The following MCF2L2 variants were observed in gnomAD, a reference collection of about 807,000 sequenced individuals.
MCF2L2 encodes probable guanine nucleotide exchange factor MCF2L2.
In MCF2L2, 102 loss-of-function variants were observed where a neutral mutation model predicts 150.2. The ratio of observed to expected loss-of-function variants is 0.68; its 90% confidence interval spans 0.58 to 0.80. The LOEUF is 0.80. MCF2L2 is among the 30% of genes least tolerant of loss of function. MCF2L2 has a pLI of 0.00. For missense variants in MCF2L2, 1,256 were observed against 1,372.8 expected (o/e 0.91, Z 1.34); for synonymous variants, 465 against 491.3 (o/e 0.95, Z 0.71).
chr3:183,402,185 T>C (rs1046168181), intron 1 of MCF2L2, among the ~76,000 whole-genome samples: 19 of 152,022 alleles, frequency 1.2e-4, no homozygotes, highest in African/African-American at 2.4e-5. Context: ...GGCTCATGCC[T>C]GTAGTCCCAG....
chr3:183,202,162 C>T (rs374607308), intron 25 of MCF2L2, among the ~76,000 whole-genome samples: 3 of 152,224 alleles, frequency 2.0e-5, no homozygotes, highest in South Asian at 2.1e-4. Context: ...GATCTGTCCA[C>T]GGGTTTCTAG....
chr3:183,270,630 A>AT lies in MCF2L2; in HGVS notation c.1862+6241_1862+6242insA. The stretch of plus-strand genomic sequence containing the variant: ...TGAGGCATCACAGACACTAAATTCA[A>AT]GTCTTTACATAGACGATGTGTTCAT... On this transcript the variant is annotated intron_variant, in intron 15 of 29. Transcript: ENST00000328913. This position sits in a 1 kb window ranked among gnomAD's most constrained non-coding sequence, Gnocchi z 4.5. 6.2e-7 allele frequency: 1 copy of AT among 1,614,192 alleles called. No homozygotes were observed. Among genetic ancestry groups the AT allele is most frequent in the African/African-American group, 1.3e-5 (1 of 75,034 alleles).
rs1436649096 is a variant in MCF2L2 at position 183,178,689 on chromosome 3, C to T, written c.*691G>A. On this transcript the variant is annotated 3_prime_UTR_variant, in exon 30 of 30. Coordinates refer to ENST00000328913, the MANE Select transcript of MCF2L2 (RefSeq NM_015078.4). Reference sequence around the variant, plus strand: ...TAATAAAACTAAAAATAAAATACAACTGAAACTAACAAAACTCATTTAAAA... The same window carrying T: ...TAATAAAACTAAAAATAAAATACAATTGAAACTAACAAAACTCATTTAAAA... The T allele has an allele frequency of 6.6e-6, 1 of 152,166 alleles. No individual in the cohort carries two copies. Among genetic ancestry groups the T allele is most frequent in the Non-Finnish European group, 1.5e-5 (1 of 68,024 alleles). 9.4% of individuals were successfully genotyped at this position (152,166 alleles called of 1,614,324 possible).
chr3:183,227,881 G>A lies in MCF2L2; in HGVS notation c.2115+416C>T, dbSNP rs192598295. On this transcript the variant is annotated intron_variant, in intron 18 of 29. Transcript: ENST00000328913. This position sits in a 1 kb window ranked among gnomAD's most constrained non-coding sequence, Gnocchi z 4.0. ...TTCCATGATAGTCGCCATGCTGTGCGTTACATCTCCAGGACTTACTCATCT... is the reference window on the plus strand; with the variant it reads ...TTCCATGATAGTCGCCATGCTGTGCATTACATCTCCAGGACTTACTCATCT... The A allele has an allele frequency of 2.4e-3, 389 of 162,936 alleles. 4 individuals are homozygous for A. Among genetic ancestry groups the A allele is most frequent in the Middle Eastern group, 0.015 (5 of 334 alleles). 10.1% of individuals were successfully genotyped at this position (162,936 alleles called of 1,614,324 possible). A position where few individuals can be genotyped will look rare whatever the true frequency, so the allele number is the denominator to read the frequency against.
chr3:183,328,289 G>A (rs1390860396), intron 5 of MCF2L2, among the ~76,000 whole-genome samples: 1 of 152,140 alleles, frequency 6.6e-6, no homozygotes, highest in Non-Finnish European at 1.5e-5. Flanking sequence ...TTAGTTCTGT[G>A]AGTCATTCTA....
At chr3:183,193,966 A>G (rs1185534153) in intron 26 of MCF2L2, among the ~76,000 whole-genome samples, 1 of 152,214 alleles carries the variant, frequency 6.6e-6, no homozygotes, top group African/African-American at 2.4e-5. Context: ...GCCCTGGTAG[A>G]TGAGGCCTGA....
intron 20 of MCF2L2, among the ~76,000 whole-genome samples, chr3:183,221,436 C>T (rs904914293): frequency 5.9e-5 from 9 of 152,162 alleles, no homozygotes; most frequent in Non-Finnish European, 7.3e-5. Context: ...CCTGAGTTCA[C>T]GCAGCCTGGA....
At chr3:183,216,604 T>A (rs1560347524) in intron 21 of MCF2L2, among the ~76,000 whole-genome samples, 3 of 61,806 alleles carry the variant, frequency 4.9e-5, no homozygotes, top group Non-Finnish European at 9.4e-5. Flanking sequence ...TTTTTTTTTT[T>A]TTTTTTTTTT....
At chr3:183,224,227 G>T (rs753117281) in intron 18 of MCF2L2, 37 bp from the exon 19 acceptor site, 27 of 1,335,306 alleles carry the variant, frequency 2.0e-5, no homozygotes. Context: ...TAATCAGGCA[G>T]CATTTTTCAG....
chr3:183,228,341 A>G lies in MCF2L2; in HGVS notation c.2071T>C (p.Cys691Arg), dbSNP rs61753470. The G allele has an allele frequency of 6.2e-7, 1 of 1,613,348 alleles. No individual in the cohort carries two copies. The highest frequency in any genetic ancestry group is 8.5e-7 in the Non-Finnish European group (1 of 1,179,432). The part of the protein sequence containing the change: ...NRTFLKELEK[C>R]AENPELLAHC... ...GCCAGAAGTTCAGGGTTCTCAGCAC[A>G]CTTTTCCAACTCTTTTAGAAAAGTC... Residue 691 changes from cysteine (C) to arginine (R), a missense_variant, in exon 18 of 30, where the codon TGT becomes CGT. Transcript: ENST00000328913.
chr3:183,397,748 C>T (rs767656841), intron 1 of MCF2L2, among the ~76,000 whole-genome samples: 29 of 152,066 alleles, frequency 1.9e-4, no homozygotes, highest in Non-Finnish European at 4.1e-4. Flanking sequence ...ATGAAATATG[C>T]AGCATTTTAG....
intron 16 of MCF2L2, among the ~76,000 whole-genome samples, chr3:183,230,576 C>T (rs73062090): frequency 0.021 from 3,233 of 151,794 alleles, 105 homozygotes; most frequent in African/African-American, 0.075. Flanking sequence ...AAGATTATTC[C>T]CTTAGGAAAA....
At chr3:183,331,398 C>A (rs1730267313) in intron 5 of MCF2L2, among the ~76,000 whole-genome samples, 1 of 152,194 alleles carries the variant, frequency 6.6e-6, no homozygotes, top group Non-Finnish European at 1.5e-5. Flanking sequence ...CCTGTCTCTT[C>A]CTGTGGCCCC....
rs1421596166 is a variant in MCF2L2 at position 183,270,903 on chromosome 3, G to T, written c.1862+5969C>A. ...TCTCCTTTGTAAAATTAGCTATGTGGACACATACCCTTGTAGGGCTGCGTT... is the reference window on the plus strand; with the variant it reads ...TCTCCTTTGTAAAATTAGCTATGTGTACACATACCCTTGTAGGGCTGCGTT... On this transcript the variant is annotated intron_variant, in intron 15 of 29. Transcript: ENST00000328913. This position sits in a 1 kb window ranked among gnomAD's most constrained non-coding sequence, Gnocchi z 4.5. The T allele has an allele frequency of 2.5e-6, 4 of 1,602,954 alleles. No homozygotes were observed. The highest frequency in any genetic ancestry group is 1.3e-5 in the African/African-American group (1 of 74,230).
Position 183,311,558 on chromosome 3 carries a change from T to C in MCF2L2, c.878+90A>G. Reference sequence around the variant, plus strand: ...TCCTTGGCCCCACCAAGACCCAATATTGGCTGTTCCAATCTGTTCTTGGTT... The same window carrying C: ...TCCTTGGCCCCACCAAGACCCAATACTGGCTGTTCCAATCTGTTCTTGGTT... On this transcript the variant is annotated intron_variant, in intron 8 of 29. Coordinates refer to ENST00000328913, the MANE Select transcript of MCF2L2 (RefSeq NM_015078.4). The C allele has an allele frequency of 6.2e-6, 9 of 1,450,226 alleles. No homozygotes were observed. In the South Asian group the frequency reaches 9.0e-5, roughly 15 times the overall value. The allele number at this position is 1,450,226 out of a possible 1,614,324, so 89.8% of individuals were successfully genotyped here.
intron 2 of MCF2L2, among the ~76,000 whole-genome samples, chr3:183,381,664 G>C (rs570382277): frequency 6.6e-6 from 1 of 152,118 alleles, no homozygotes; most frequent in Admixed American, 6.6e-5. Flanking sequence ...AACCATGTGA[G>C]ATTTGTCTGG....
At chr3:183,246,669 T>C (rs1470437745) in intron 15 of MCF2L2, among the ~76,000 whole-genome samples, 1 of 152,218 alleles carries the variant, frequency 6.6e-6, no homozygotes, top group Admixed American at 6.5e-5. Context: ...AGTACCTGTC[T>C]GAGTCTCTGC....
chr3:183,194,559 G>T (rs1302426770), intron 26 of MCF2L2, among the ~76,000 whole-genome samples: 1 of 152,098 alleles, frequency 6.6e-6, no homozygotes, highest in Non-Finnish European at 1.5e-5. Context: ...GCAGCCTTGT[G>T]AAAATAGGAA....
At chr3:183,359,351 A>T (rs564406964) in intron 3 of MCF2L2, among the ~76,000 whole-genome samples, 1 of 152,362 alleles carries the variant, frequency 6.6e-6, no homozygotes, top group Admixed American at 6.5e-5. Flanking sequence ...ATCACCAGGG[A>T]CATCCTTTCT....
Sources: gnomAD v4.1 joint callset for allele counts (sites outside exome capture counted in the v4.1 genomes callset) on GRCh38, gnomAD v4.1.1 for gene constraint, Gnocchi (gnomAD v3.1) non-coding constraint, MANE v1.5 for transcripts, NCBI Gene and HGNC (gene_info 2026-07-23, HGNC 2026-07-21) for gene names.